Variants in MBD5 observed in about 807,000 individuals in gnomAD.
The protein encoded by MBD5 is methyl-CpG binding domain protein 5.
Under a neutral mutation model 117.3 loss-of-function variants are expected in MBD5, and 13 were observed. That is an observed-to-expected ratio of 0.11 (90% CI 0.07 to 0.18). MBD5 has a LOEUF of 0.18. Ranked by LOEUF, MBD5 falls within the 10% of genes least tolerant of loss-of-function variation. The pLI is 1.00. For synonymous variants in MBD5, 727 were observed against 766.4 expected (o/e 0.95, Z 0.85); for missense variants, 1,879 against 2,093.8 (o/e 0.90, Z 2.00).
intron 2 of MBD5, among the ~76,000 whole-genome samples, chr2:148,224,509 A>ATTTTTTTTTTTTTTTTTTTTTTTTTT (rs34659671): frequency 1.7e-5 from 1 of 58,136 alleles, no homozygotes; most frequent in African/African-American, 8.1e-5. Context: ...CGCCTGGCTA[A>ATTTTTTTTTTTTTTTTTTTTTTTTTT]TTTTTTTTTT....
At chr2:148,130,604 A>G (rs1158837358) in intron 1 of MBD5, among the ~76,000 whole-genome samples, 1 of 151,912 alleles carries the variant, frequency 6.6e-6, no homozygotes. Flanking sequence ...TATCTCACAG[A>G]CCGGTTAAAT....
intron 4 of MBD5, among the ~76,000 whole-genome samples, chr2:148,344,309 G>A (rs570507897): frequency 3.2e-4 from 49 of 151,928 alleles, no homozygotes; most frequent in African/African-American, 1.2e-3. Context: ...CTCTTTTTTG[G>A]TTCCATATGA....
chr2:148,103,805 G>T (rs1383781793), intron 1 of MBD5, among the ~76,000 whole-genome samples: 1 of 152,076 alleles, frequency 6.6e-6, no homozygotes, highest in African/African-American at 2.4e-5. Flanking sequence ...AAAGGTATCT[G>T]TGCCAGAGCT....
intron 1 of MBD5, among the ~76,000 whole-genome samples, chr2:148,162,068 A>G (rs569089511): frequency 6.6e-6 from 1 of 152,320 alleles, no homozygotes; most frequent in African/African-American, 2.4e-5. Context: ...CTAAGCTGTA[A>G]GACTGCCTTT....
At chr2:148,380,486 G>A (rs1288722119) in intron 4 of MBD5, among the ~76,000 whole-genome samples, 2 of 152,130 alleles carry the variant, frequency 1.3e-5, no homozygotes, top group Non-Finnish European at 2.9e-5. Flanking sequence ...TACACATTTA[G>A]AAATGTTTTA....
intron 1 of MBD5, among the ~76,000 whole-genome samples, chr2:148,065,606 T>C (rs996853230): frequency 6.6e-6 from 1 of 152,234 alleles, no homozygotes; most frequent in Non-Finnish European, 1.5e-5. Flanking sequence ...TATCATAGTT[T>C]AATGAAAGAT....
At chr2:148,217,201 G>A (rs1318093985) in intron 2 of MBD5, among the ~76,000 whole-genome samples, 5 of 152,170 alleles carry the variant, frequency 3.3e-5, no homozygotes, top group African/African-American at 1.2e-4. Context: ...CAGAGAATGG[G>A]GTGGGTGGGT....
At chr2:148,178,324 G>A (rs1698436566) in intron 1 of MBD5, among the ~76,000 whole-genome samples, 1 of 152,112 alleles carries the variant, frequency 6.6e-6, no homozygotes, top group Middle Eastern at 3.2e-3. Flanking sequence ...GAATATTTTT[G>A]TAATAATTTT....
In MBD5 at chr2:148,483,251, G is replaced by A; in HGVS notation, c.2660G>A (p.Ser887Asn). The change falls in exon 9 of 14, where the codon AGT becomes AAT. Residue 887 changes from serine (S) to asparagine (N), a missense_variant. By Grantham distance (46) the Ser-to-Asn change is conservative (BLOSUM62 1). Around this residue, in one of 4 missense-constraint regions of MBD5, gnomAD observed 1,666 missense variants for 1,792.2 expected, o/e 0.93. Transcript: ENST00000642680. ...NPLQSQLPIG[S>N]DFPFVGQEHA... Reference sequence around the variant, plus strand: ...CTGCAGAGTCAGCTACCCATTGGGAGTGATTTTCCTTTTGTTGGCCAGGAG... The same window carrying A: ...CTGCAGAGTCAGCTACCCATTGGGAATGATTTTCCTTTTGTTGGCCAGGAG... The A allele has an allele frequency of 6.2e-7, 1 of 1,614,074 alleles. No individual in the cohort carries two copies.
At chr2:148,455,890 T>TA (rs1373232352) in intron 4 of MBD5, among the ~76,000 whole-genome samples, 8 of 151,688 alleles carry the variant, frequency 5.3e-5, no homozygotes, top group South Asian at 4.2e-4. Context: ...AAAGGGACTG[T>TA]AAAAAAAACA....
intron 2 of MBD5, among the ~76,000 whole-genome samples, chr2:148,211,219 A>G (rs1699414971): frequency 6.6e-6 from 1 of 152,156 alleles, no homozygotes; most frequent in African/African-American, 2.4e-5. Context: ...TTACATGTTA[A>G]AGCTGAAGGT....
At chr2:148,492,258 T>A (rs1406783879) in intron 11 of MBD5, among the ~76,000 whole-genome samples, 3 of 151,870 alleles carry the variant, frequency 2.0e-5, no homozygotes, top group African/African-American at 7.3e-5. Flanking sequence ...TATAAAGTAA[T>A]ATTTTTAAAA....
At chr2:148,492,606 G>A (rs1310650908) in intron 11 of MBD5, among the ~76,000 whole-genome samples, 1 of 151,888 alleles carries the variant, frequency 6.6e-6, no homozygotes, top group East Asian at 1.9e-4. Context: ...TTCCTTTCAG[G>A]ACCTACCACA....
intron 1 of MBD5, among the ~76,000 whole-genome samples, chr2:148,101,099 T>G (rs781373766): frequency 2.6e-5 from 4 of 152,204 alleles, no homozygotes; most frequent in Non-Finnish European, 4.4e-5. Context: ...TTAAGGTATA[T>G]TGTAAATTTT....
At chr2:148,272,837 G>T (rs1229147461) in intron 3 of MBD5, among the ~76,000 whole-genome samples, 1 of 151,936 alleles carries the variant, frequency 6.6e-6, no homozygotes, top group African/African-American at 2.4e-5. Flanking sequence ...CTTTCTGTTT[G>T]CATTTGCCTG....
At chr2:148,299,512 C>A (rs1701734337) in intron 3 of MBD5, among the ~76,000 whole-genome samples, 1 of 152,146 alleles carries the variant, frequency 6.6e-6, no homozygotes, top group Non-Finnish European at 1.5e-5. Flanking sequence ...CTATTCTCTC[C>A]AAATGTTCAT....
At chr2:148,427,420 A>G (rs1370176132) in intron 4 of MBD5, among the ~76,000 whole-genome samples, 1 of 152,236 alleles carries the variant, frequency 6.6e-6, no homozygotes, top group Admixed American at 6.5e-5. Flanking sequence ...CAACAATGAT[A>G]GACTGGATTC....
At chr2:148,444,883 T>C (rs1479583140) in intron 4 of MBD5, among the ~76,000 whole-genome samples, 1 of 150,982 alleles carries the variant, frequency 6.6e-6, no homozygotes, top group African/African-American at 2.5e-5. Context: ...CCAGTATCCA[T>C]CACAGTGCCT....
At position 148,484,065 on chromosome 2, in the gene MBD5, T is replaced by G. The variant is rs969690365; in HGVS notation, c.3474T>G (p.Gly1158=). 60 of 1,548,300 alleles carry G rather than the reference T, an allele frequency of 3.9e-5. No homozygotes were observed. Among genetic ancestry groups the G allele is most frequent in the Non-Finnish European group, 5.1e-5 (59 of 1,145,862 alleles). The part of the protein sequence containing the change: ...NISNNAGNTP[G]PAKLNSNSVV... ...CTAATAATGCTGGGAATACACCTGG[T>G]CCAGCTAAACTCAACAGTAACTCTG... The change falls in exon 9 of 14, where the codon GGT becomes GGG. Residue 1158 remains glycine, a synonymous_variant. Transcript: ENST00000642680.
Sources: allele counts gnomAD v4.1 joint callset (sites outside exome capture counted in the v4.1 genomes callset), GRCh38; gene constraint gnomAD v4.1.1; regional missense constraint gnomAD v4.1.1; transcripts MANE v1.5; gene names NCBI Gene and HGNC (gene_info 2026-07-23, HGNC 2026-07-21).